Variants in TEX11 observed in about 807,000 individuals in gnomAD.
The protein encoded by TEX11 is testis-expressed protein 11.
Under a neutral mutation model 84.4 loss-of-function variants are expected in TEX11, and 7 were observed. That is an observed-to-expected ratio of 0.08 (90% CI 0.05 to 0.16). The LOEUF (loss-of-function observed/expected upper bound fraction) is 0.16. TEX11 is among the 10% of genes least tolerant of loss of function. TEX11 has a pLI of 1.00. For missense variants in TEX11, 551 were observed against 660.5 expected (o/e 0.83, Z 1.82); for synonymous variants, 264 against 222.8 (o/e 1.18, Z -1.64).
At chrX:70,514,266 G>A in the TEX11 span, among the ~76,000 whole-genome samples, 1 of 109,451 alleles carries the variant, frequency 9.1e-6, no homozygotes, top group Admixed American at 9.6e-5. Flanking sequence ...ATCCACAAAG[G>A]TGGGGATATA....
chrX:70,752,832 G>A (rs1044584487), intron 9 of TEX11, among the ~76,000 whole-genome samples: 6 of 110,702 alleles, frequency 5.4e-5, no homozygotes, highest in African/African-American at 1.6e-4. Flanking sequence ...GTCTTGAATC[G>A]CAGAAGCCAC....
chrX:70,711,561 G>A (rs1483225848), intron 13 of TEX11, among the ~76,000 whole-genome samples: 2 of 111,934 alleles, frequency 1.8e-5, no homozygotes, highest in African/African-American at 3.2e-5. Context: ...ATTTTTTCAC[G>A]TGTCTTTTGG....
intron 9 of TEX11, among the ~76,000 whole-genome samples, chrX:70,751,752 T>C (rs1475972426): frequency 1.8e-5 from 2 of 112,139 alleles, no homozygotes; most frequent in African/African-American, 6.5e-5. Context: ...GAGAATTTCT[T>C]GTTAGCCAAT....
chrX:70,684,773 T>C (rs2090173981), intron 13 of TEX11, among the ~76,000 whole-genome samples: 1 of 112,155 alleles, frequency 8.9e-6, no homozygotes, highest in South Asian at 3.8e-4. Context: ...TTAAGTCCAA[T>C]GGCATTTTTC....
chrX:70,569,752 A>T (rs2088560503), intron 25 of TEX11, among the ~76,000 whole-genome samples: 1 of 110,989 alleles, frequency 9.0e-6, no homozygotes, highest in African/African-American at 3.3e-5. Context: ...CTGCTGTCTG[A>T]TCGTTCCGCT....
At chrX:70,517,307 G>GT in the TEX11 span, among the ~76,000 whole-genome samples, 1 of 111,967 alleles carries the variant, frequency 8.9e-6, no homozygotes, top group Non-Finnish European at 1.9e-5. Context: ...TCAATACCTA[G>GT]TTTATTGAGA....
intron 17 of TEX11, among the ~76,000 whole-genome samples, chrX:70,648,903 T>C (rs1337297712): frequency 9.1e-6 from 1 of 110,016 alleles, no homozygotes; most frequent in Non-Finnish European, 1.9e-5. Flanking sequence ...GTGTGTGTTG[T>C]TCCCCTTCCT....
chrX:70,827,284 C>T (rs1403747386), intron 8 of TEX11, among the ~76,000 whole-genome samples: 1 of 111,894 alleles, frequency 8.9e-6, no homozygotes, highest in Non-Finnish European at 1.9e-5. Context: ...AGGGAGTACA[C>T]CATGGGCCTT....
intron 13 of TEX11, among the ~76,000 whole-genome samples, chrX:70,684,602 A>C (rs1403044782): frequency 8.9e-6 from 1 of 112,039 alleles, no homozygotes; most frequent in African/African-American, 3.2e-5. Context: ...AAAAGTAACC[A>C]AGTAGGTGAA....
intron 25 of TEX11, among the ~76,000 whole-genome samples, chrX:70,560,548 T>C (rs908928361): frequency 1.8e-5 from 2 of 111,748 alleles, no homozygotes; most frequent in African/African-American, 6.5e-5. Flanking sequence ...AGCTTATGTA[T>C]TGGCATATCT....
At chrX:70,620,799 C>T (rs909171259) in intron 20 of TEX11, among the ~76,000 whole-genome samples, 4 of 111,736 alleles carry the variant, frequency 3.6e-5, no homozygotes, top group African/African-American at 1.3e-4. Flanking sequence ...ATGGAGGAAC[C>T]TTAAATGCAT....
At chrX:70,861,147 C>T (rs1320495225) in intron 4 of TEX11, among the ~76,000 whole-genome samples, 53 of 99,803 alleles carry the variant, frequency 5.3e-4, no homozygotes, top group African/African-American at 1.8e-3. Context: ...CTGCAAGCTC[C>T]GCCTCCCGGG....
intron 17 of TEX11, among the ~76,000 whole-genome samples, chrX:70,646,311 G>A (rs911746175): frequency 8.9e-6 from 1 of 111,859 alleles, no homozygotes; most frequent in African/African-American, 3.2e-5. Flanking sequence ...TGAAACTGTA[G>A]AACTACTAAA....
chrX:70,693,599 G>T (rs1227731035), intron 13 of TEX11, among the ~76,000 whole-genome samples: 2 of 111,419 alleles, frequency 1.8e-5, no homozygotes, highest in Non-Finnish European at 3.8e-5. Context: ...GGTCACCAAG[G>T]GCAGTAGTGG....
At chrX:70,530,405 A>T (rs2087871308) in intron 28 of TEX11, among the ~76,000 whole-genome samples, 1 of 111,902 alleles carries the variant, frequency 8.9e-6, no homozygotes, top group Admixed American at 9.5e-5. Flanking sequence ...AATTTCTGTC[A>T]CCAGAATTAG....
In TEX11 at chrX:70,740,803, GA is replaced by G. The variant is rs749755001; in HGVS notation, c.748-8del. 13,543 of 791,463 alleles carry G rather than the reference GA, an allele frequency of 0.017. No homozygotes were observed. Among genetic ancestry groups the G allele is most frequent in the Admixed American group, 0.028 (733 of 26,305 alleles). 65.2% of individuals were successfully genotyped at this position (791,463 alleles called of 1,213,427 possible). On this transcript the variant is annotated splice_region_variant and splice_polypyrimidine_tract_variant and intron_variant, in intron 10 of 29. Coordinates refer to ENST00000374333, the MANE Select transcript of TEX11 (RefSeq NM_031276.3). ...ATAGCCGTAGAACTTTAGCCTGTAA[GA>G]AAAAAAAAAAGAAAAAAAGCACATA...
intron 11 of TEX11, among the ~76,000 whole-genome samples, chrX:70,729,438 A>G (rs1569421773): frequency 9.0e-6 from 1 of 111,707 alleles, no homozygotes; most frequent in African/African-American, 3.3e-5. Context: ...GGCTAACTAG[A>G]ATAACCAATA....
At chrX:70,659,969 G>T (rs2089909351) in intron 16 of TEX11, among the ~76,000 whole-genome samples, 1 of 112,067 alleles carries the variant, frequency 8.9e-6, no homozygotes. Flanking sequence ...TACTATACAT[G>T]ACTATATGGT....
intron 12 of TEX11, 66 bp from the exon 13 acceptor site, chrX:70,722,762 A>G: frequency 1.1e-6 from 1 of 877,448 alleles, no homozygotes; most frequent in Non-Finnish European, 1.6e-6. Context: ...TATTTTCAAT[A>G]ATTTTCCTCT....
Sources: allele counts gnomAD v4.1 joint callset (sites outside exome capture counted in the v4.1 genomes callset), GRCh38; gene constraint gnomAD v4.1.1; transcripts MANE v1.5; gene names NCBI Gene and HGNC (gene_info 2026-07-23, HGNC 2026-07-21).